Variants in ANGEL2 observed in about 807,000 individuals in gnomAD.
ANGEL2 encodes angel homolog 2.
Under a neutral mutation model 66.0 loss-of-function variants are expected in ANGEL2, and 41 were observed. The ratio of observed to expected loss-of-function variants is 0.62; its 90% CI spans 0.48 to 0.81. ANGEL2 has a LOEUF of 0.81. Ranked by LOEUF, ANGEL2 falls within the 30% of genes least tolerant of loss-of-function variation. The probability of loss-of-function intolerance (pLI) is 0.00; values close to 1 mark genes in which losing one functional copy is unlikely to be tolerated. For missense variants in ANGEL2, 561 were observed against 641.6 expected, an observed-to-expected ratio of 0.87 and a Z score of 1.36; for synonymous variants, 208 against 226.5, an observed-to-expected ratio of 0.92 and a Z score of 0.73.
At chr1:213,001,390 C>G (rs573633125) in intron 5 of ANGEL2, 13 of 153,868 alleles carry the variant, frequency 8.4e-5, no homozygotes, top group African/African-American at 2.9e-4. Flanking sequence ...AGCATTATGC[C>G]TAAGAAAATA....
chr1:212,998,934 C>A (rs1321452445), intron 7 of ANGEL2, among the ~76,000 whole-genome samples: 2 of 152,006 alleles, frequency 1.3e-5, no homozygotes, highest in African/African-American at 2.4e-5. Flanking sequence ...GGCTGGAATG[C>A]GGTGGTGCGA....
chr1:212,998,920 C>A (rs1262633957), intron 7 of ANGEL2, among the ~76,000 whole-genome samples: 1 of 151,982 alleles, frequency 6.6e-6, no homozygotes, highest in African/African-American at 2.4e-5. Context: ...TGCTTTGTCA[C>A]CCAGGCTGGA....
intron 4 of ANGEL2, 41 bp from the exon 5 acceptor site, chr1:213,005,495 A>T: frequency 2.6e-6 from 4 of 1,514,760 alleles, no homozygotes; most frequent in Non-Finnish European, 2.6e-6. Flanking sequence ...GACTGCTTTT[A>T]TATATTTATC....
At position 212,993,421 on chromosome 1, in the gene ANGEL2, ATC is replaced by A. The variant is rs748544428; in HGVS notation, c.*1618_*1619del. On this transcript the variant is annotated 3_prime_UTR_variant, in exon 9 of 9. Coordinates refer to ENST00000366962, the MANE Select transcript of ANGEL2 (RefSeq NM_144567.5). ...TCCACATGCCTTCTCTGAGGTTTTCATCTGTTTGTTTTTTTAAAAATAATTAT... is the reference window on the plus strand; with the variant it reads ...TCCACATGCCTTCTCTGAGGTTTTCATGTTTGTTTTTTTAAAAATAATTAT... 3.3e-5 allele frequency: 5 copies of A among 152,218 alleles called. No individual in the cohort carries two copies. The highest frequency in any genetic ancestry group is 7.2e-5 in the African/African-American group (3 of 41,464). 9.4% of individuals were successfully genotyped at this position (152,218 alleles called of 1,614,324 possible). A position where few individuals can be genotyped will look rare whatever the true frequency, so the allele number is the denominator to read the frequency against.
chr1:213,007,676 T>G (rs2076374618), intron 3 of ANGEL2, among the ~76,000 whole-genome samples: 1 of 152,172 alleles, frequency 6.6e-6, no homozygotes, highest in Non-Finnish European at 1.5e-5. Context: ...TGGACCCTCT[T>G]TGAAAAGTTA....
In ANGEL2 at chr1:213,008,104, T is replaced by C. The variant is rs926695502; in HGVS notation, c.642+106A>G. On this transcript the variant is annotated intron_variant, in intron 3 of 8. Coordinates refer to ENST00000366962, the MANE Select transcript of ANGEL2 (RefSeq NM_144567.5). ...GTCTCAAACTACCGACCTCAGGTGA[T>C]CCACCTGCCTCAGCCTCCCAAAGTG... 9 of 1,270,814 alleles carry C rather than the reference T, an allele frequency of 7.1e-6. No homozygotes were observed. The African/African-American group carries it at 1.2e-4, about 17-fold the overall frequency. The allele number at this position is 1,270,814 out of a possible 1,614,324, so 78.7% of individuals were successfully genotyped here. A position where few individuals can be genotyped will look rare whatever the true frequency, so the allele number is the denominator to read the frequency against.
At chr1:212,997,350 G>A (rs370279688) in intron 7 of ANGEL2, 32 bp from the exon 8 acceptor site, 15 of 1,565,488 alleles carry the variant, frequency 9.6e-6, no homozygotes, top group Admixed American at 1.8e-5. Context: ...TTTAGAATCC[G>A]AGTTTTTGTA....
chr1:213,013,668 C>A (rs1237967635), intron 1 of ANGEL2, among the ~76,000 whole-genome samples: 3 of 152,172 alleles, frequency 2.0e-5, no homozygotes, highest in African/African-American at 7.2e-5. Flanking sequence ...TCCCAAAATA[C>A]CACATACCCC....
chr1:213,012,654 T>C (rs2076538026), intron 2 of ANGEL2, among the ~76,000 whole-genome samples: 2 of 152,232 alleles, frequency 1.3e-5, no homozygotes, highest in Admixed American at 1.3e-4. Context: ...TGATTGCTTC[T>C]ATTTATGAGT....
In ANGEL2 at chr1:212,992,311, C is replaced by G. The variant is rs949176888; in HGVS notation, c.*2730G>C. 2 of 152,206 alleles carry G rather than the reference C, an allele frequency of 1.3e-5. No homozygotes were observed. Among genetic ancestry groups the G allele is most frequent in the Non-Finnish European group, 2.9e-5 (2 of 68,030 alleles). 9.4% of individuals were successfully genotyped at this position (152,206 alleles called of 1,614,324 possible). A position where few individuals can be genotyped will look rare whatever the true frequency, so the allele number is the denominator to read the frequency against. ...TAGGAAAGCAAAGGTTAAAAGCAGA[C>G]AGTAACTAAATTCCAAATAAAGACA... On this transcript the variant is annotated 3_prime_UTR_variant, in exon 9 of 9. Transcript: ENST00000366962.
chr1:213,014,934 T>C (rs1350899695), intron 1 of ANGEL2, among the ~76,000 whole-genome samples: 1 of 152,166 alleles, frequency 6.6e-6, no homozygotes, highest in Non-Finnish European at 1.5e-5. Context: ...CTTATGTTAG[T>C]TTATTAGGAA....
rs1314762209 is a variant in ANGEL2 at position 212,993,405 on chromosome 1, C to T, written c.*1636G>A. ...TAGACAAATCTTATAATCCACATGC[C>T]TTCTCTGAGGTTTTCATCTGTTTGT... On this transcript the variant is annotated 3_prime_UTR_variant, in exon 9 of 9. Coordinates refer to ENST00000366962, the MANE Select transcript of ANGEL2 (RefSeq NM_144567.5). The T allele has an allele frequency of 6.6e-6, 1 of 152,138 alleles. No individual in the cohort carries two copies. Among genetic ancestry groups the T allele is most frequent in the African/African-American group, 2.4e-5 (1 of 41,438 alleles). The allele number at this position is 152,138 out of a possible 1,614,324, so 9.4% of individuals were successfully genotyped here. A position where few individuals can be genotyped will look rare whatever the true frequency, so the allele number is the denominator to read the frequency against.
intron 8 of ANGEL2, among the ~76,000 whole-genome samples, chr1:212,996,297 C>T (rs2148129627): frequency 6.6e-6 from 1 of 151,870 alleles, no homozygotes. Flanking sequence ...ACGAGCGAGA[C>T]TCCGTCTCAA....
intron 2 of ANGEL2, among the ~76,000 whole-genome samples, chr1:213,008,995 T>A (rs1278959034): frequency 6.6e-6 from 1 of 152,218 alleles, no homozygotes; most frequent in Non-Finnish European, 1.5e-5. Context: ...TGGCAATATA[T>A]GGAAGAAGTT....
rs2076284525 is a variant in ANGEL2 at position 213,005,072 on chromosome 1, C to T, written c.1095G>A (p.Lys365=). ...VPGSPLYSFI[K]EGKLNYEGLP... The stretch of plus-strand genomic sequence containing the variant: ...GTCCTTCATAATTCAATTTTCCTTC[C>T]TTTATGAAACTATATAGTGGAGAAC... The change falls in exon 5 of 9, where the codon AAG becomes AAA. Residue 365 remains lysine (K), a synonymous_variant. Coordinates refer to ENST00000366962, the MANE Select transcript of ANGEL2 (RefSeq NM_144567.5). 1.3e-6 allele frequency: 2 copies of T among 1,583,936 alleles called. No homozygotes were observed. Among genetic ancestry groups the T allele is most frequent in the East Asian group, 4.5e-5 (2 of 44,678 alleles).
chr1:213,006,872 T>C, intron 4 of ANGEL2: 1 of 388,392 alleles, frequency 2.6e-6, no homozygotes, highest in South Asian at 1.0e-4. Flanking sequence ...TATACTTTAA[T>C]GACACATGAA....
chr1:212,994,027 A>G lies in ANGEL2; in HGVS notation c.*1014T>C, dbSNP rs2075927979. ...GCCATGTGCAGTGGCTCCCGCCTGTAATCCCAGCACTTTGAGAGCTGAGGT... is the reference window on the plus strand; with the variant it reads ...GCCATGTGCAGTGGCTCCCGCCTGTGATCCCAGCACTTTGAGAGCTGAGGT... On this transcript the variant is annotated 3_prime_UTR_variant, in exon 9 of 9. Coordinates refer to ENST00000366962, the MANE Select transcript of ANGEL2 (RefSeq NM_144567.5). The G allele has an allele frequency of 6.6e-6, 1 of 152,362 alleles. No homozygotes were observed. Among genetic ancestry groups the G allele is most frequent in the Non-Finnish European group, 1.5e-5 (1 of 68,038 alleles). The allele number at this position is 152,362 out of a possible 1,614,324, so 9.4% of individuals were successfully genotyped here.
In ANGEL2 at chr1:213,000,415, AT is replaced by A. The variant is rs773343188; in HGVS notation, c.1262-33del. Reference sequence around the variant, plus strand: ...GAATAGAGGAAAATATATTAATGTTATTGTTCTAGTTTGCCTTAATATCGTC... The same window carrying A: ...GAATAGAGGAAAATATATTAATGTTATGTTCTAGTTTGCCTTAATATCGTC... On this transcript the variant is annotated intron_variant, in intron 6 of 8. Coordinates refer to ENST00000366962, the MANE Select transcript of ANGEL2 (RefSeq NM_144567.5). The A allele has an allele frequency of 5.7e-6, 9 of 1,584,684 alleles. No individual in the cohort carries two copies. The South Asian group carries it at 1.0e-4, about 18-fold the overall frequency.
rs566586137 is a variant in ANGEL2 at position 213,011,126 on chromosome 1, T to G, written c.385+1967A>C. ...ATATGAGGGTTCCATGGAAGACAAT[T>G]TGAAAACCACTGATAAGAGTGGATA... On this transcript the variant is annotated intron_variant, in intron 2 of 8. Coordinates refer to ENST00000366962, the MANE Select transcript of ANGEL2 (RefSeq NM_144567.5). 4.4e-4 allele frequency: 534 copies of G among 1,227,024 alleles called. 1 individual carries two copies. The highest frequency in any genetic ancestry group is 5.2e-4 in the Non-Finnish European group (492 of 942,498). The allele number at this position is 1,227,024 out of a possible 1,614,324, so 76.0% of individuals were successfully genotyped here.
Sources: allele counts gnomAD v4.1 joint callset (sites outside exome capture counted in the v4.1 genomes callset), GRCh38; gene constraint gnomAD v4.1.1; transcripts MANE v1.5; gene names NCBI Gene and HGNC (gene_info 2026-07-23, HGNC 2026-07-21).